ABCE1: variants seen among roughly 807,000 people sequenced by gnomAD.
The protein encoded by ABCE1 is ATP-binding cassette sub-family E member 1.
A neutral mutation model predicts 83.4 loss-of-function variants in ABCE1; 22 were observed. The observed-to-expected ratio is 0.26, with a 90% CI of 0.19 to 0.38. The LOEUF is 0.38. Among genes scored for constraint, ABCE1 ranks in the 10% least tolerant of loss-of-function variants. The probability of loss-of-function intolerance (pLI) is 1.00; values close to 1 mark genes in which losing one functional copy is unlikely to be tolerated. For synonymous variants in ABCE1, 204 were observed against 233.7 expected (o/e 0.87, Z 1.16); for missense variants, 330 against 721.9 (o/e 0.46, Z 6.22).
intron 8 of ABCE1, 41 bp from the exon 9 acceptor site, chr4:145,112,198 C>T (rs778786260): frequency 8.6e-6 from 12 of 1,393,164 alleles, no homozygotes; most frequent in Admixed American, 2.5e-5. Flanking sequence ...AATGTCTTGT[C>T]TTTCAAACTT....
Position 145,123,113 on chromosome 4 carries a change from A to G in ABCE1, c.1356A>G (p.Glu452=). The change falls in exon 14 of 18, where the codon GAA becomes GAG. Residue 452 remains glutamate (E), a synonymous_variant. Coordinates refer to ENST00000296577, the MANE Select transcript of ABCE1 (RefSeq NM_002940.3). The part of the protein sequence containing the change: ...VTDVMKPLQI[E]NIIDQEVQTL... ...ATGTAATGAAGCCTCTGCAAATTGA[A>G]AACATCATTGATCAAGAGGTACTTT... 6.2e-7 allele frequency: 1 copy of G among 1,602,644 alleles called. No individual in the cohort carries two copies. Among genetic ancestry groups the G allele is most frequent in the Non-Finnish European group, 8.5e-7 (1 of 1,176,538 alleles).
At chr4:145,108,752 AAG>A (rs1276585941) in intron 4 of ABCE1, among the ~76,000 whole-genome samples, 5 of 152,224 alleles carry the variant, frequency 3.3e-5, no homozygotes, top group Non-Finnish European at 7.3e-5. Context: ...CCAGAAAAGA[AAG>A]ACATTGTGAG....
intron 5 of ABCE1, 134 bp from the exon 6 acceptor site, chr4:145,109,969 A>T: frequency 1.4e-6 from 1 of 727,818 alleles, no homozygotes; most frequent in South Asian, 2.5e-5. Context: ...TTTATTAATT[A>T]TGTTCGCCTC....
chr4:145,122,564 T>C (rs1391397037), intron 13 of ABCE1: 1 of 152,246 alleles, frequency 6.6e-6, no homozygotes, highest in Non-Finnish European at 1.5e-5. Context: ...ACGCATGTAA[T>C]CCCAGCACTT....
At position 145,127,535 on chromosome 4, in the gene ABCE1, C is replaced by A; in HGVS notation, c.1762C>A (p.Gln588Lys). ...NKLNSIKDVEQKKSGNYFFLD... is the reference protein window; with the variant it reads ...NKLNSIKDVEKKKSGNYFFLD... ...CTGTTTTCTTTTTTAGGATGTAGAA[C>A]AAAAGAAGAGTGGAAACTACTTTTT... Residue 588 changes from glutamine to lysine, a missense_variant, in exon 18 of 18, where the codon CAA becomes AAA. Coordinates refer to ENST00000296577, the MANE Select transcript of ABCE1 (RefSeq NM_002940.3). 1 of 1,580,400 alleles carries A rather than the reference C, an allele frequency of 6.3e-7. No homozygotes were observed. The highest frequency in any genetic ancestry group is 1.4e-5 in the African/African-American group (1 of 72,346).
At chr4:145,111,120 G>A in intron 8 of ABCE1, 56 bp downstream of exon 8, 2 of 1,160,712 alleles carry the variant, frequency 1.7e-6, no homozygotes, top group East Asian at 5.0e-5. Context: ...GTTTTCAGTT[G>A]TGATGCTGCT....
At chr4:145,104,554 C>A in intron 2 of ABCE1, 39 bp downstream of exon 2, 1 of 1,337,930 alleles carries the variant, frequency 7.5e-7, no homozygotes. Context: ...TAAAAGAAAA[C>A]CATGAAAGAA....
chr4:145,109,313 GA>G, intron 5 of ABCE1, 64 bp downstream of exon 5: 3 of 854,928 alleles, frequency 3.5e-6, no homozygotes, highest in Non-Finnish European at 5.4e-6. Flanking sequence ...TTGGGGGGAT[GA>G]TATGTATATT....
chr4:145,124,898 G>T, intron 16 of ABCE1, 92 bp from the exon 17 acceptor site: 1 of 790,282 alleles, frequency 1.3e-6, no homozygotes, highest in South Asian at 1.7e-5. Flanking sequence ...GGGAATTTGA[G>T]GTAATAGTAA....
chr4:145,110,392 T>C lies in ABCE1; in HGVS notation c.561T>C (p.Ile187=). 1 of 1,612,462 alleles carries C rather than the reference T, an allele frequency of 6.2e-7. No individual in the cohort carries two copies. Among genetic ancestry groups the C allele is most frequent in the Non-Finnish European group, 8.5e-7 (1 of 1,179,962 alleles). Residue 187 remains isoleucine (I), a synonymous_variant, in exon 7 of 18, where the codon ATT becomes ATC. Transcript: ENST00000296577. The part of the protein sequence containing the change: ...PKAAKGTVGS[I]LDRKDETKTQ... ...TGTGGCAGGGGACAGTGGGATCTAT[T>C]TTGGACCGAAAAGATGAAACAAAGA...
At chr4:145,119,658 G>A (rs2126711653) in intron 10 of ABCE1, among the ~76,000 whole-genome samples, 1 of 151,920 alleles carries the variant, frequency 6.6e-6, no homozygotes, top group Middle Eastern at 3.4e-3. Flanking sequence ...GACATCATGT[G>A]CTCTCTTTTG....
chr4:145,127,984 T>C lies in ABCE1; in HGVS notation c.*411T>C, dbSNP rs1749938715. 1 of 154,366 alleles carries C rather than the reference T, an allele frequency of 6.5e-6. No homozygotes were observed. Among genetic ancestry groups the C allele is most frequent in the African/African-American group, 2.4e-5 (1 of 41,496 alleles). 9.6% of individuals were successfully genotyped at this position (154,366 alleles called of 1,614,324 possible). Reference sequence around the variant, plus strand: ...TATGCCAGTGTAATGAAACTGCCCTTATTTTAAAAGCCAGTCAAAGATTCC... The same window carrying C: ...TATGCCAGTGTAATGAAACTGCCCTCATTTTAAAAGCCAGTCAAAGATTCC... On this transcript the variant is annotated 3_prime_UTR_variant, in exon 18 of 18. Transcript: ENST00000296577.
rs1273271895 is a variant in ABCE1 at position 145,128,082 on chromosome 4, C to T, written c.*509C>T. On this transcript the variant is annotated 3_prime_UTR_variant, in exon 18 of 18. Transcript: ENST00000296577. ...GTTTTCAGTCTTTGCACTATATTAC[C>T]AGTATATGGTTTCCGAGGAAGATTA... The T allele has an allele frequency of 6.6e-6, 1 of 152,560 alleles. No individual in the cohort carries two copies. The highest frequency in any genetic ancestry group is 6.5e-5 in the Admixed American group (1 of 15,278). The allele number at this position is 152,560 out of a possible 1,614,324, so 9.5% of individuals were successfully genotyped here.
chr4:145,126,851 A>T (rs1749901461), intron 17 of ABCE1, among the ~76,000 whole-genome samples: 1 of 152,128 alleles, frequency 6.6e-6, no homozygotes, highest in Admixed American at 6.5e-5. Context: ...GATTGATATT[A>T]CTTCTTGGCC....
intron 3 of ABCE1, 145 bp downstream of exon 3, chr4:145,105,835 AATATC>A (rs1749288470): frequency 2.2e-6 from 1 of 458,928 alleles, no homozygotes; most frequent in Non-Finnish European, 3.8e-6. Flanking sequence ...GTGGTATTCT[AATATC>A]AGTGACATTG....
rs367974347 is a variant in ABCE1 at position 145,110,940 on chromosome 4, G to T, written c.614-28G>T. ...TTACCTGGAAGAGGTGAAATACATT[G>T]AGCACAATGCCTCTATGTTCTTTGT... On this transcript the variant is annotated intron_variant, in intron 7 of 17. Transcript: ENST00000296577. 27 of 1,494,276 alleles carry T rather than the reference G, an allele frequency of 1.8e-5. No individual in the cohort carries two copies. In the African/African-American group the frequency reaches 3.2e-4, roughly 18 times the overall value. The allele number at this position is 1,494,276 out of a possible 1,614,324, so 92.6% of individuals were successfully genotyped here.
chr4:145,115,436 T>C (rs1464913354), intron 9 of ABCE1, among the ~76,000 whole-genome samples: 1 of 151,948 alleles, frequency 6.6e-6, no homozygotes, highest in Non-Finnish European at 1.5e-5. Flanking sequence ...CTGGGTGATT[T>C]GCCATTTTTA....
chr4:145,100,975 T>C (rs35773588), intron 1 of ABCE1, among the ~76,000 whole-genome samples: 6 of 152,220 alleles, frequency 3.9e-5, no homozygotes, highest in African/African-American at 1.4e-4. Context: ...TACATTCTAC[T>C]TGGGGAGGGG....
rs772090722 is a variant in ABCE1, at chr4:145,118,889, GT to G, written c.923-1035del. Among the ~76,000 whole-genome samples the G allele has an allele frequency of 5.3e-5, 8 of 151,516 alleles. 1 individual carries two copies. The highest frequency in any genetic ancestry group is 3.3e-4 in the Admixed American group (5 of 15,228). On this transcript the variant is annotated intron_variant, in intron 10 of 17. Coordinates refer to ENST00000296577, the MANE Select transcript of ABCE1 (RefSeq NM_002940.3). ...AGGACTGTAAAGACTGACTTGCTGTGTTTTTTTTAAACGAAGTCACTTAGTT... is the reference window on the plus strand; with the variant it reads ...AGGACTGTAAAGACTGACTTGCTGTGTTTTTTTAAACGAAGTCACTTAGTT...
Sources: gnomAD v4.1 joint callset for allele counts (sites outside exome capture counted in the v4.1 genomes callset) on GRCh38, gnomAD v4.1.1 for gene constraint, MANE v1.5 for transcripts, NCBI Gene and HGNC (gene_info 2026-07-23, HGNC 2026-07-21) for gene names.